Variants in ZNF680 observed in about 807,000 individuals in gnomAD.
The protein encoded by ZNF680 is zinc finger protein 680.
In ZNF680, 6 loss-of-function variants were observed where a neutral mutation model predicts 12.1. That is an observed-to-expected ratio of 0.49 (90% CI 0.27 to 0.98). The LOEUF (loss-of-function observed/expected upper bound fraction) is 0.98. Ranked by LOEUF, ZNF680 falls within the 50% of genes least tolerant of loss-of-function variation. ZNF680 has a pLI of 0.12. For missense variants in ZNF680, 561 were observed against 616.3 expected, an observed-to-expected ratio of 0.91 and a Z score of 0.95; for synonymous variants, 170 against 199.3, an observed-to-expected ratio of 0.85 and a Z score of 1.24.
chr7:64,533,238 TG>T (rs1190434221), intron 3 of ZNF680, among the ~76,000 whole-genome samples: 1 of 152,182 alleles, frequency 6.6e-6, no homozygotes, highest in African/African-American at 2.4e-5. Flanking sequence ...CACTGTTTGC[TG>T]GTGATATGAT....
chr7:64,514,595 A>G, the ZNF680 span, among the ~76,000 whole-genome samples: 1 of 152,116 alleles, frequency 6.6e-6, no homozygotes, highest in African/African-American at 2.4e-5. Context: ...ATAAAAACTC[A>G]TATTTATAAA....
At chr7:64,542,154 A>T (rs1786539300) in intron 3 of ZNF680, among the ~76,000 whole-genome samples, 1 of 152,124 alleles carries the variant, frequency 6.6e-6, no homozygotes, top group Admixed American at 6.6e-5. Flanking sequence ...CCTAGTGCAG[A>T]CCCAGCAGCC....
At chr7:64,505,347 G>C in the ZNF680 span, among the ~76,000 whole-genome samples, 2 of 152,170 alleles carry the variant, frequency 1.3e-5, no homozygotes, top group African/African-American at 4.8e-5. Flanking sequence ...TTGTATTACA[G>C]TATAGTAAAA....
chr7:64,522,971 G>C (rs1025511742), intron 3 of ZNF680, among the ~76,000 whole-genome samples: 2 of 151,552 alleles, frequency 1.3e-5, no homozygotes, highest in Admixed American at 1.3e-4. Context: ...ACCAAATTCT[G>C]AAAAAGTATA....
the ZNF680 span, among the ~76,000 whole-genome samples, chr7:64,503,694 T>C: frequency 6.6e-6 from 1 of 152,194 alleles, no homozygotes; most frequent in Non-Finnish European, 1.5e-5. Flanking sequence ...GTGAGTCTTT[T>C]GTCTGCTTAA....
the ZNF680 span, among the ~76,000 whole-genome samples, chr7:64,502,544 A>ATCCTCTAGAAAATAGTGTTATAG: frequency 6.6e-6 from 1 of 152,218 alleles, no homozygotes; most frequent in African/African-American, 2.4e-5. Context: ...ATGAGTTGCC[A>ATCCTCTAGAAAATAGTGTTATAG]TGTTAAATGC....
At chr7:64,500,260 T>C in the ZNF680 span, among the ~76,000 whole-genome samples, 1 of 151,972 alleles carries the variant, frequency 6.6e-6, no homozygotes. Context: ...GCATTTAACA[T>C]TCATAATTTA....
At chr7:64,550,650 A>G (rs1787027497) in intron 1 of ZNF680, among the ~76,000 whole-genome samples, 1 of 152,186 alleles carries the variant, frequency 6.6e-6, no homozygotes, top group African/African-American at 2.4e-5. Flanking sequence ...AAAATACAAG[A>G]ATCATTGCAA....
At chr7:64,519,824 T>A (rs189068811), downstream of ZNF680, 1 of 151,824 alleles carries the variant, frequency 6.6e-6, no homozygotes, top group African/African-American at 2.4e-5. Flanking sequence ...TTGAGTAAAG[T>A]GAAAAAGGTT....
downstream of ZNF680, among the ~76,000 whole-genome samples, chr7:64,515,407 A>C (rs573279637): frequency 1.3e-5 from 2 of 152,240 alleles, no homozygotes; most frequent in South Asian, 4.2e-4. Flanking sequence ...AGTCCAAAAA[A>C]ATCCAATGCC....
intron 3 of ZNF680, among the ~76,000 whole-genome samples, chr7:64,543,226 T>C (rs555477791): frequency 6.6e-6 from 1 of 152,114 alleles, no homozygotes; most frequent in Non-Finnish European, 1.5e-5. Flanking sequence ...AAGGACATTA[T>C]ACTTTATAAT....
chr7:64,502,378 A>G, the ZNF680 span, among the ~76,000 whole-genome samples: 1 of 151,932 alleles, frequency 6.6e-6, no homozygotes, highest in African/African-American at 2.4e-5. Flanking sequence ...TTTTTCATTC[A>G]TACAGTTTCA....
intron 1 of ZNF680, among the ~76,000 whole-genome samples, chr7:64,545,801 T>G (rs1224449130): frequency 6.6e-6 from 1 of 152,228 alleles, no homozygotes; most frequent in Non-Finnish European, 1.5e-5. Context: ...GATCCTTTTC[T>G]GTATAGAGCT....
intron 1 of ZNF680, among the ~76,000 whole-genome samples, chr7:64,544,717 A>G (rs919956480): frequency 1.3e-5 from 2 of 152,202 alleles, no homozygotes; most frequent in Non-Finnish European, 2.9e-5. Context: ...ACAAACATGT[A>G]AATTTTTGAG....
intron 1 of ZNF680, among the ~76,000 whole-genome samples, chr7:64,552,746 TAAC>T (rs1787150841): frequency 6.6e-6 from 1 of 152,202 alleles, no homozygotes. Context: ...AAAGTAGAAA[TAAC>T]AATATTAAAA....
At chr7:64,554,964 A>G (rs1161710138) in intron 1 of ZNF680, among the ~76,000 whole-genome samples, 1 of 152,086 alleles carries the variant, frequency 6.6e-6, no homozygotes, top group African/African-American at 2.4e-5. Context: ...CCTCTCCGAG[A>G]AACACCCAAG....
At chr7:64,531,895 GA>G (rs895035350) in intron 3 of ZNF680, among the ~76,000 whole-genome samples, 1 of 151,426 alleles carries the variant, frequency 6.6e-6, no homozygotes, top group Non-Finnish European at 1.5e-5. Flanking sequence ...AGAGAAACAA[GA>G]AAAAAACAAA....
At chr7:64,536,801 G>A (rs1450861826) in intron 3 of ZNF680, among the ~76,000 whole-genome samples, 1 of 152,176 alleles carries the variant, frequency 6.6e-6, no homozygotes, top group Non-Finnish European at 1.5e-5. Flanking sequence ...GGGTGCAGTG[G>A]CTCATGCCTA....
the ZNF680 span, among the ~76,000 whole-genome samples, chr7:64,508,777 C>CTA: frequency 1.3e-5 from 2 of 152,166 alleles, no homozygotes; most frequent in African/African-American, 4.8e-5. Flanking sequence ...TTTTCCTTTT[C>CTA]TATGGTGGCT....
Sources: gnomAD v4.1 joint callset for allele counts (sites outside exome capture counted in the v4.1 genomes callset) on GRCh38, gnomAD v4.1.1 for gene constraint, MANE v1.5 for transcripts, NCBI Gene and HGNC (gene_info 2026-07-23, HGNC 2026-07-21) for gene names.